Variants in NTRK3 observed in about 807,000 individuals in gnomAD.
NTRK3 encodes the protein neurotrophic receptor tyrosine kinase 3.
In NTRK3, 24 loss-of-function variants were observed where a neutral mutation model predicts 91.7. That is an observed-to-expected ratio of 0.26 (90% CI 0.19 to 0.37). The LOEUF is 0.37. Among genes scored for constraint, NTRK3 ranks in the 10% least tolerant of loss-of-function variants. The pLI is 1.00. For synonymous variants in NTRK3, 483 were observed against 404.0 expected, an observed-to-expected ratio of 1.20 and a Z score of -2.34; for missense variants, 880 against 1,068.9, an observed-to-expected ratio of 0.82 and a Z score of 2.46.
exon 19 of NTRK3, chr15:87,862,825 T>TGAGAATCAGA: frequency 4.4e-6 from 1 of 229,848 alleles, no homozygotes. Flanking sequence ...GGGTGGATGC[T>TGAGAATCAGA]GAGAATCAGA....
chr15:87,996,286 T>G (rs201144090), intron 14 of NTRK3, among the ~76,000 whole-genome samples: 1 of 152,036 alleles, frequency 6.6e-6, no homozygotes, highest in East Asian at 1.9e-4. Flanking sequence ...CATTCTTAGC[T>G]TAAGAGTTGT....
At chr15:87,975,610 C>T (rs904274866) in intron 14 of NTRK3, among the ~76,000 whole-genome samples, 1 of 152,172 alleles carries the variant, frequency 6.6e-6, no homozygotes, top group African/African-American at 2.4e-5. Flanking sequence ...CTGCCCTATA[C>T]CAGCTCTGAC....
chr15:88,028,780 A>C (rs959583486), intron 14 of NTRK3, among the ~76,000 whole-genome samples: 1 of 152,170 alleles, frequency 6.6e-6, no homozygotes, highest in Non-Finnish European at 1.5e-5. Context: ...TTTCTCAACC[A>C]AGAGTATGGG....
At chr15:88,054,165 G>C (rs1159608704) in intron 13 of NTRK3, among the ~76,000 whole-genome samples, 1 of 152,196 alleles carries the variant, frequency 6.6e-6, no homozygotes, top group Non-Finnish European at 1.5e-5. Flanking sequence ...TGTTTGTACT[G>C]CCAGTTTTAG....
At chr15:88,023,225 T>C (rs1378375624) in intron 14 of NTRK3, among the ~76,000 whole-genome samples, 3 of 152,260 alleles carry the variant, frequency 2.0e-5, no homozygotes, top group Non-Finnish European at 4.4e-5. Flanking sequence ...GGCCCAGGAC[T>C]TATTTGCTTG....
chr15:87,969,296 A>G (rs2073062432), intron 14 of NTRK3, among the ~76,000 whole-genome samples: 1 of 152,186 alleles, frequency 6.6e-6, no homozygotes, highest in African/African-American at 2.4e-5. Context: ...AGAGTTACTG[A>G]CGCGTGTGCC....
rs565280309 is a variant in NTRK3, at chr15:88,235,839, T to C, written c.248+20067A>G. Among the ~76,000 whole-genome samples the C allele has an allele frequency of 1.3e-5, 2 of 152,312 alleles. No homozygotes were observed. Among genetic ancestry groups the C allele is most frequent in the South Asian group, 4.1e-4 (2 of 4,824 alleles). On this transcript the variant is annotated intron_variant, in intron 3 of 18. Coordinates refer to ENST00000394480, the Ensembl canonical transcript of NTRK3. The surrounding 1 kb of genome is among the most constrained non-coding windows in gnomAD (Gnocchi z 5.2). ...CCCTGGGGCTTTGAGTCAAACAGGATCCCAGCTCTGCCACCTACCAGTTGG... is the reference window on the plus strand; with the variant it reads ...CCCTGGGGCTTTGAGTCAAACAGGACCCCAGCTCTGCCACCTACCAGTTGG...
At chr15:88,215,661 G>C (rs1033778591) in intron 3 of NTRK3, among the ~76,000 whole-genome samples, 1 of 152,226 alleles carries the variant, frequency 6.6e-6, no homozygotes, top group Non-Finnish European at 1.5e-5. Context: ...GCATAACAAA[G>C]AGGGGCAAAC....
intron 3 of NTRK3, among the ~76,000 whole-genome samples, chr15:88,223,583 G>A (rs889241327): frequency 1.3e-5 from 2 of 152,210 alleles, no homozygotes; most frequent in Non-Finnish European, 2.9e-5. Flanking sequence ...GCATTCACAT[G>A]TCAGAGAGCC....
At chr15:88,076,759 G>T (rs2047582470) in intron 13 of NTRK3, among the ~76,000 whole-genome samples, 1 of 151,926 alleles carries the variant, frequency 6.6e-6, no homozygotes, top group African/African-American at 2.4e-5. Context: ...GCACAAAGGG[G>T]GCCTAACATT....
intron 14 of NTRK3, among the ~76,000 whole-genome samples, chr15:87,997,562 A>T (rs570812803): frequency 2.0e-5 from 3 of 152,090 alleles, no homozygotes; most frequent in South Asian, 4.2e-4. Context: ...AGCAGTAAAT[A>T]TTTTTTTTAT....
intron 3 of NTRK3, among the ~76,000 whole-genome samples, chr15:88,242,082 C>T: frequency 6.6e-6 from 1 of 152,164 alleles, no homozygotes; most frequent in East Asian, 1.9e-4. Context: ...GGGAAGAGCA[C>T]GTAGCCACCT....
chr15:88,121,939 T>G (rs2052755055), intron 13 of NTRK3, among the ~76,000 whole-genome samples: 2 of 152,178 alleles, frequency 1.3e-5, no homozygotes. Context: ...AAGCCAAAAT[T>G]TTGATCAACA....
rs905864509 is a variant in NTRK3, at chr15:87,977,498, G to C, written c.1586-36745C>G. The C allele has an allele frequency of 1.8e-5, 4 of 223,952 alleles. No individual in the cohort carries two copies. The East Asian group carries it at 1.9e-4, about 11-fold the overall frequency. The allele number at this position is 223,952 out of a possible 1,614,324, so 13.9% of individuals were successfully genotyped here. ...AGAATAAAAGATGCTGGGATGGATG[G>C]AGCCTGGGAGGCTGGAAATGAGGTA... is the stretch of plus-strand genomic sequence containing the variant. On this transcript the variant is annotated intron_variant, in intron 14 of 18. Coordinates refer to ENST00000394480, the Ensembl canonical transcript of NTRK3.
chr15:87,980,713 A>T (rs138767217), intron 14 of NTRK3, among the ~76,000 whole-genome samples: 82 of 152,328 alleles, frequency 5.4e-4, no homozygotes, highest in African/African-American at 1.9e-3. Context: ...CCTGCCCAGG[A>T]CATGCTATGG....
At chr15:87,948,665 G>A (rs1485736196) in intron 14 of NTRK3, among the ~76,000 whole-genome samples, 3 of 152,186 alleles carry the variant, frequency 2.0e-5, no homozygotes, top group African/African-American at 7.2e-5. Context: ...TCCAGCCTGG[G>A]CGACAGAGCA....
chr15:87,916,694 T>C (rs2067473128), intron 17 of NTRK3: 1 of 649,316 alleles, frequency 1.5e-6, no homozygotes, highest in African/African-American at 1.8e-5. Flanking sequence ...ATATTTTTAT[T>C]CCACTGGTTT....
At chr15:88,060,692 A>C (rs1398446791) in intron 13 of NTRK3, among the ~76,000 whole-genome samples, 1 of 152,158 alleles carries the variant, frequency 6.6e-6, no homozygotes, top group Non-Finnish European at 1.5e-5. Context: ...CTTACATCAC[A>C]TGGCTCAGGC....
chr15:88,058,922 A>T (rs2045960396), intron 13 of NTRK3, among the ~76,000 whole-genome samples: 1 of 152,164 alleles, frequency 6.6e-6, no homozygotes, highest in South Asian at 2.1e-4. Flanking sequence ...CAGCAGAGAA[A>T]AATGTGGTAC....
Sources: gnomAD v4.1 joint callset for allele counts (sites outside exome capture counted in the v4.1 genomes callset) on GRCh38, gnomAD v4.1.1 for gene constraint, Gnocchi (gnomAD v3.1) non-coding constraint, MANE v1.5 for transcripts, NCBI Gene and HGNC (gene_info 2026-07-23, HGNC 2026-07-21) for gene names.